The following ITPRID2 variants were observed in gnomAD, a reference collection of about 807,000 sequenced individuals.
ITPRID2 encodes ITPR interacting domain containing 2.
In ITPRID2, 60 loss-of-function variants were observed where a neutral mutation model predicts 124.3. That is an observed-to-expected ratio of 0.48 (90% CI 0.39 to 0.60). ITPRID2 has a LOEUF of 0.60. Among genes scored for constraint, ITPRID2 ranks in the 20% least tolerant of loss-of-function variants. The pLI is 0.00. For missense variants in ITPRID2, 1,553 were observed against 1,512.2 expected, an observed-to-expected ratio of 1.03 and a Z score of -0.45; for synonymous variants, 521 against 542.9, an observed-to-expected ratio of 0.96 and a Z score of 0.56.
In ITPRID2 at chr2:181,892,944, T is replaced by G. The variant is rs1691886024; in HGVS notation, c.257+284T>G. The G allele has an allele frequency of 1.9e-6, 1 of 522,568 alleles. No homozygotes were observed. The highest frequency in any genetic ancestry group is 3.0e-5 in the East Asian group (1 of 33,720). The allele number at this position is 522,568 out of a possible 1,614,324, so 32.4% of individuals were successfully genotyped here. On this transcript the variant is annotated intron_variant, in intron 2 of 17. Coordinates refer to ENST00000431877, the MANE Select transcript of ITPRID2 (RefSeq NM_001130445.3). This position sits in a 1 kb window ranked among gnomAD's most constrained non-coding sequence, Gnocchi z 5.2. ...TCCAGAACAGATAATCATGCCATATTTGTTCTGTTTTTATTTGAAAGAATT... is the reference window on the plus strand; with the variant it reads ...TCCAGAACAGATAATCATGCCATATGTGTTCTGTTTTTATTTGAAAGAATT...
In ITPRID2 at chr2:181,905,999, C is replaced by G. The variant is rs544935716; in HGVS notation, c.1413+3533C>G. Among the ~76,000 whole-genome samples, 174 of 152,132 alleles carry G rather than the reference C, an allele frequency of 1.1e-3. No individual in the cohort carries two copies. The highest frequency in any genetic ancestry group is 2.1e-3 in the Non-Finnish European group (144 of 68,028). ...CACTGTTTTGTTATTTGATATTTACCTAAAAGACCTTAGTCAATTTTTATT... is the reference window on the plus strand; with the variant it reads ...CACTGTTTTGTTATTTGATATTTACGTAAAAGACCTTAGTCAATTTTTATT... On this transcript the variant is annotated intron_variant, in intron 8 of 17. Transcript: ENST00000431877. The surrounding 1 kb of genome is among the most constrained non-coding windows in gnomAD (Gnocchi z 4.1).
At chr2:181,909,001 G>C (rs1159314989) in intron 8 of ITPRID2, among the ~76,000 whole-genome samples, 1 of 152,024 alleles carries the variant, frequency 6.6e-6, no homozygotes, top group Non-Finnish European at 1.5e-5. Flanking sequence ...TGTATTTAAT[G>C]TTGACATAGA....
At chr2:181,904,632 A>T (rs1289995105) in intron 8 of ITPRID2, among the ~76,000 whole-genome samples, 1 of 152,078 alleles carries the variant, frequency 6.6e-6, no homozygotes, top group Admixed American at 6.6e-5. Flanking sequence ...TTTCTTTTGG[A>T]CCTCTTTCCA....
In ITPRID2 at chr2:181,892,157, C is replaced by G; in HGVS notation, c.91C>G (p.Arg31Gly). 4 of 1,556,420 alleles carry G rather than the reference C, an allele frequency of 2.6e-6. No individual in the cohort carries two copies. Among genetic ancestry groups the G allele is most frequent in the Non-Finnish European group, 3.5e-6 (4 of 1,150,316 alleles). The change falls in exon 1 of 18, where the codon CGC (arginine) becomes GGC (glycine). Residue 31 changes from arginine to glycine, a missense_variant. Physicochemically the swap from Arg to Gly is moderately radical, Grantham distance 125 (BLOSUM62 -2). Transcript: ENST00000431877. The surrounding 1 kb of genome is among the most constrained non-coding windows in gnomAD (Gnocchi z 5.2). ...CAGGAGGAAGGCCTGGGCCAAGTGC[C>G]GCAGCTCCTGGCAAGCGTCGGAGAC... The part of the protein sequence containing the change: ...SRRRKAWAKC[R>G]SSWQASETED...
At position 181,902,492 on chromosome 2, in the gene ITPRID2, T is replaced by C. The variant is rs752337166; in HGVS notation, c.1413+26T>C. On this transcript the variant is annotated intron_variant, in intron 8 of 17. Transcript: ENST00000431877. This position sits in a 1 kb window ranked among gnomAD's most constrained non-coding sequence, Gnocchi z 4.4. ...GTAGGTAAAAAATTACTGAGACTGG[T>C]TTCAAGTTGCAGACTAGGAAAAAAA... 2 of 1,472,272 alleles carry C rather than the reference T, an allele frequency of 1.4e-6. No individual in the cohort carries two copies. Among genetic ancestry groups the C allele is most frequent in the South Asian group, 2.9e-5 (2 of 67,910 alleles). The allele number at this position is 1,472,272 out of a possible 1,614,324, so 91.2% of individuals were successfully genotyped here.
intron 15 of ITPRID2, 134 bp from the exon 16 acceptor site, chr2:181,921,814 T>A: frequency 1.2e-6 from 1 of 811,032 alleles, no homozygotes; most frequent in South Asian, 1.9e-5. Flanking sequence ...TGAGTAGTTA[T>A]TAAATTAATG....
In ITPRID2 at chr2:181,913,952, A is replaced by G; in HGVS notation, c.1575+19A>G. ...TCTTCAGGTAAAATTTTCTGTTCTA[A>G]TAGGCACTATGATTAACTTCCTCAT... is the stretch of plus-strand genomic sequence containing the variant. On this transcript the variant is annotated intron_variant, in intron 10 of 17. Coordinates refer to ENST00000431877, the MANE Select transcript of ITPRID2 (RefSeq NM_001130445.3). The G allele has an allele frequency of 1.3e-6, 2 of 1,540,680 alleles. No individual in the cohort carries two copies. Among genetic ancestry groups the G allele is most frequent in the Non-Finnish European group, 1.8e-6 (2 of 1,116,464 alleles).
At position 181,896,727 on chromosome 2, in the gene ITPRID2, A is replaced by G. The variant is rs1468777860; in HGVS notation, c.308-181A>G. 6.6e-6 allele frequency among the ~76,000 whole-genome samples: 1 copy of G among 151,992 alleles called. No individual in the cohort carries two copies. The highest frequency in any genetic ancestry group is 1.9e-4 in the East Asian group (1 of 5,202). ...CTGGAAAAGTGGTTTCTTTACGTTA[A>G]AGTAAAAGCTTATACCTGCTTCTTG... On this transcript the variant is annotated intron_variant, in intron 3 of 17. Coordinates refer to ENST00000431877, the MANE Select transcript of ITPRID2 (RefSeq NM_001130445.3). This position sits in a 1 kb window ranked among gnomAD's most constrained non-coding sequence, Gnocchi z 4.3.
At chr2:181,894,226 A>G (rs1005526099) in intron 2 of ITPRID2, 1 of 152,358 alleles carries the variant, frequency 6.6e-6, no homozygotes, top group East Asian at 1.9e-4. Context: ...GATCCTATCA[A>G]TTAGACAGTA....
At chr2:181,916,500 C>G in intron 11 of ITPRID2, 73 bp downstream of exon 11, 2 of 1,505,120 alleles carry the variant, frequency 1.3e-6, no homozygotes, top group Non-Finnish European at 1.8e-6. Context: ...CACAGAGAAG[C>G]TAAGGCACAT....
intron 16 of ITPRID2, among the ~76,000 whole-genome samples, chr2:181,926,449 C>A (rs1000827195): frequency 6.6e-6 from 1 of 152,050 alleles, no homozygotes; most frequent in African/African-American, 2.4e-5. Context: ...CGCGGTGGCT[C>A]ACGCCTGTAA....
intron 8 of ITPRID2, among the ~76,000 whole-genome samples, chr2:181,908,999 A>G (rs893142572): frequency 6.6e-6 from 1 of 152,144 alleles, no homozygotes; most frequent in African/African-American, 2.4e-5. Flanking sequence ...TATGTATTTA[A>G]TGTTGACATA....
At chr2:181,906,500 G>A (rs773135954) in intron 8 of ITPRID2, among the ~76,000 whole-genome samples, 4 of 152,156 alleles carry the variant, frequency 2.6e-5, no homozygotes, top group Non-Finnish European at 5.9e-5. Context: ...AGCACTGTGT[G>A]GAGGCTGAGG....
chr2:181,892,560 C>A lies in ITPRID2; in HGVS notation c.212-55C>A. Reference sequence around the variant, plus strand: ...CTACTTGGGAGGGTCCAGGGTGACTCCGCCGTCGTAGTGCTCCTGGGTGGT... The same window carrying A: ...CTACTTGGGAGGGTCCAGGGTGACTACGCCGTCGTAGTGCTCCTGGGTGGT... On this transcript the variant is annotated intron_variant, in intron 1 of 17. Transcript: ENST00000431877. This position sits in a 1 kb window ranked among gnomAD's most constrained non-coding sequence, Gnocchi z 5.2. The A allele has an allele frequency of 6.2e-7, 1 of 1,608,888 alleles. No homozygotes were observed. The highest frequency in any genetic ancestry group is 1.1e-5 in the South Asian group (1 of 90,944).
chr2:181,922,051 T>C lies in ITPRID2; in HGVS notation c.3314T>C (p.Val1105Ala). Residue 1105 changes from valine (V) to alanine (A), a missense_variant, in exon 16 of 18, where the codon GTT becomes GCT. Physicochemically the swap from Val to Ala is moderately conservative, Grantham distance 64. Transcript: ENST00000431877. ...EIPPGESSES[V>A]FSQATSESSS... The stretch of plus-strand genomic sequence containing the variant: ...CCTCCTGGAGAAAGCTCAGAATCTG[T>C]TTTTTCCCAAGCAACATCAGAATCA... 6.2e-7 allele frequency: 1 copy of C among 1,614,238 alleles called. No homozygotes were observed. The highest frequency in any genetic ancestry group is 8.5e-7 in the Non-Finnish European group (1 of 1,180,044).
In ITPRID2 at chr2:181,913,861, T is replaced by C. The variant is rs202154798; in HGVS notation, c.1503T>C (p.Thr501=). ...TKSKRDHLLR[T]ASQHSDSSGF... is the part of the protein sequence containing the mutation. ...TATTCATAGATCATCTGTTACGTACTGCAAGTCAGCATTCCGATAGCAGTG... is the reference window on the plus strand; with the variant it reads ...TATTCATAGATCATCTGTTACGTACCGCAAGTCAGCATTCCGATAGCAGTG... Residue 501 remains threonine (T), a synonymous_variant, in exon 10 of 18, where the codon ACT becomes ACC. Transcript: ENST00000431877. The C allele has an allele frequency of 6.2e-7, 1 of 1,613,186 alleles. No homozygotes were observed. Among genetic ancestry groups the C allele is most frequent in the Non-Finnish European group, 8.5e-7 (1 of 1,179,620 alleles).
chr2:181,908,259 T>C (rs2125083130), intron 8 of ITPRID2, among the ~76,000 whole-genome samples: 1 of 152,058 alleles, frequency 6.6e-6, no homozygotes, highest in African/African-American at 2.4e-5. Flanking sequence ...AATAAATAAA[T>C]AGATTAAATT....
In ITPRID2 at chr2:181,919,411, C is replaced by T. The variant is rs771813501; in HGVS notation, c.3109C>T (p.Arg1037Cys). ...CCTGGAGGAGCAGCTTCGTGCTGTG[C>T]GCATGCCTTCACCCTTCCGCTCCTC... ...LGLEEQLRAV[R>C]MPSPFRSSAL... Residue 1037 changes from arginine (R) to cysteine (C), a missense_variant, in exon 14 of 18, where the codon CGC (arginine) becomes TGC (cysteine). Transcript: ENST00000431877. This position sits in a 1 kb window ranked among gnomAD's most constrained non-coding sequence, Gnocchi z 4.2. 17 of 1,611,748 alleles carry T rather than the reference C, an allele frequency of 1.1e-5. 1 individual carries two copies. The highest frequency in any genetic ancestry group is 4.4e-5 in the South Asian group (4 of 90,840).
At chr2:181,895,501 T>G (rs1439887437) in intron 2 of ITPRID2, among the ~76,000 whole-genome samples, 1 of 152,032 alleles carries the variant, frequency 6.6e-6, no homozygotes, top group Non-Finnish European at 1.5e-5. Context: ...AGATAGTTGT[T>G]GGGGCAAGGG....
Sources: gnomAD v4.1 joint callset for allele counts (sites outside exome capture counted in the v4.1 genomes callset) on GRCh38, gnomAD v4.1.1 for gene constraint, Gnocchi (gnomAD v3.1) non-coding constraint, MANE v1.5 for transcripts, NCBI Gene and HGNC (gene_info 2026-07-23, HGNC 2026-07-21) for gene names.